RANBP3: variants seen among roughly 807,000 people sequenced by gnomAD.
The protein encoded by RANBP3 is RAN binding protein 3.
In RANBP3, 14 loss-of-function variants were observed where a neutral mutation model predicts 77.3. That is an observed-to-expected ratio of 0.18 (90% CI 0.12 to 0.28). The LOEUF is 0.28. RANBP3 is among the 10% of genes least tolerant of loss of function. RANBP3 has a pLI of 1.00. For synonymous variants in RANBP3, 315 were observed against 312.4 expected (o/e 1.01, Z -0.09); for missense variants, 586 against 752.3 (o/e 0.78, Z 2.59).
intron 14 of RANBP3, among the ~76,000 whole-genome samples, chr19:5,920,389 G>A (rs143860845): frequency 1.3e-5 from 2 of 152,020 alleles, no homozygotes; most frequent in African/African-American, 2.4e-5. Context: ...AGCTTTAGAA[G>A]GAAAAAAAAG....
intron 8 of RANBP3, among the ~76,000 whole-genome samples, chr19:5,929,591 C>T (rs981837116): frequency 9.9e-5 from 15 of 152,170 alleles, no homozygotes; most frequent in African/African-American, 2.9e-4. Context: ...GTGTGTGGGG[C>T]GGGAGGGGAA....
chr19:5,918,601 G>A lies in RANBP3; in HGVS notation c.1368C>T (p.Asn456=). The A allele has an allele frequency of 1.2e-6, 2 of 1,613,794 alleles. No individual in the cohort carries two copies. Among genetic ancestry groups the A allele is most frequent in the Non-Finnish European group, 1.7e-6 (2 of 1,179,902 alleles). ...TCTGCATCTGGGCCCACAGCTTGGT[G>A]TTGAGGATCAGTCGCAGGCTCCCCT... is the stretch of plus-strand genomic sequence containing the variant. The part of the protein sequence containing the change: ...RTQGSLRLIL[N]TKLWAQMQID... Residue 456 remains asparagine (N), a synonymous_variant, in exon 15 of 17, where the codon AAC becomes AAT. Transcript: ENST00000340578.
In RANBP3 at chr19:5,952,580, C is replaced by T. The variant is rs530047410; in HGVS notation, c.79-984G>A. On this transcript the variant is annotated intron_variant, in intron 2 of 16. Transcript: ENST00000340578. This position sits in a 1 kb window ranked among gnomAD's most constrained non-coding sequence, Gnocchi z 4.1. The stretch of plus-strand genomic sequence containing the variant: ...CGTCCAACGACATGGAGCCATTTCT[C>T]GCACTCGGTGACCTACATGACTACA... 7.4e-4 allele frequency among the ~76,000 whole-genome samples: 112 copies of T among 152,342 alleles called. No individual in the cohort carries two copies. Among genetic ancestry groups the T allele is most frequent in the African/African-American group, 2.6e-3 (107 of 41,572 alleles).
Position 5,924,690 on chromosome 19 carries a change from C to T in RANBP3, c.996+137G>A. ...TCAGGCTGAGTCTGAGCAGGGTCTT[C>T]CCTCTCTCACTTGCTACTGAAGGCA... is the stretch of plus-strand genomic sequence containing the variant. On this transcript the variant is annotated intron_variant, in intron 11 of 16. Coordinates refer to ENST00000340578, the MANE Select transcript of RANBP3 (RefSeq NM_007322.3). This position sits in a 1 kb window ranked among gnomAD's most constrained non-coding sequence, Gnocchi z 4.7. The T allele has an allele frequency of 1.1e-6, 1 of 880,980 alleles. No homozygotes were observed. 54.6% of individuals were successfully genotyped at this position (880,980 alleles called of 1,614,324 possible). A position where few individuals can be genotyped will look rare whatever the true frequency, so the allele number is the denominator to read the frequency against.
At chr19:5,927,904 T>G in intron 9 of RANBP3, 64 bp downstream of exon 9, 1 of 1,549,524 alleles carries the variant, frequency 6.5e-7, no homozygotes, top group Non-Finnish European at 8.7e-7. Context: ...ATCTACCTAC[T>G]TGCCTGCTGT....
intron 3 of RANBP3, among the ~76,000 whole-genome samples, chr19:5,946,233 C>G (rs73920096): frequency 0.022 from 3,285 of 152,308 alleles, 122 homozygotes; most frequent in African/African-American, 0.076. Context: ...AGAGGTGTCT[C>G]CTACAACACA....
rs577957559 is a variant in RANBP3, at chr19:5,946,165, A to G, written c.283-4330T>C. On this transcript the variant is annotated intron_variant, in intron 3 of 16. Transcript: ENST00000340578. ...TAGGGTAAGTTCATGCTCACTCCCTATCCCAGCCCCTCTCGGGAGCTACCC... is the reference window on the plus strand; with the variant it reads ...TAGGGTAAGTTCATGCTCACTCCCTGTCCCAGCCCCTCTCGGGAGCTACCC... Among the ~76,000 whole-genome samples, 27 of 152,146 alleles carry G rather than the reference A, an allele frequency of 1.8e-4. No individual in the cohort carries two copies. The South Asian group carries it at 5.4e-3, about 30-fold the overall frequency.
At chr19:5,957,533 T>G (rs1304339779) in intron 2 of RANBP3, among the ~76,000 whole-genome samples, 1 of 84,588 alleles carries the variant, frequency 1.2e-5, no homozygotes, top group Non-Finnish European at 2.4e-5. Context: ...CTCCTTCCCC[T>G]CCCTCCCTCC....
Position 5,923,740 on chromosome 19 carries a change from G to C in RANBP3, c.1099+72C>G, listed in dbSNP as rs557005608. On this transcript the variant is annotated intron_variant, in intron 12 of 16. Transcript: ENST00000340578. ...GGGCCCCTTATCCCTCCCGGCTGGGGGTGTGAATGGACCCAGCATCCCCCA... is the reference window on the plus strand; with the variant it reads ...GGGCCCCTTATCCCTCCCGGCTGGGCGTGTGAATGGACCCAGCATCCCCCA... The C allele has an allele frequency of 1.1e-4, 138 of 1,253,148 alleles. 1 individual carries two copies. In the Middle Eastern group the frequency reaches 1.8e-3, roughly 17 times the overall value. 77.6% of individuals were successfully genotyped at this position (1,253,148 alleles called of 1,614,324 possible).
intron 1 of RANBP3, among the ~76,000 whole-genome samples, chr19:5,964,197 G>A (rs1446471511): frequency 6.6e-6 from 1 of 152,142 alleles, no homozygotes; most frequent in African/African-American, 2.4e-5. Context: ...CAGCCCCAGC[G>A]ATGAGCACAG....
intron 1 of RANBP3, among the ~76,000 whole-genome samples, chr19:5,967,993 G>C (rs976242300): frequency 6.6e-6 from 1 of 152,128 alleles, no homozygotes; most frequent in Non-Finnish European, 1.5e-5. Context: ...CTCCAGCCTG[G>C]GCGACAGAGT....
Position 5,941,611 on chromosome 19 carries a change from C to T in RANBP3, c.406+10G>A, listed in dbSNP as rs1257183186. 2 of 1,605,072 alleles carry T rather than the reference C, an allele frequency of 1.2e-6. No individual in the cohort carries two copies. Among genetic ancestry groups the T allele is most frequent in the Non-Finnish European group, 1.7e-6 (2 of 1,173,346 alleles). ...ACGCTTTCACCATTCCGTAAGTTTG[C>T]ATATTTTACCTGACTGTGAGGGTGG... On this transcript the variant is annotated intron_variant, in intron 5 of 16. Transcript: ENST00000340578.
Position 5,921,560 on chromosome 19 carries a change from C to T in RANBP3, c.1210-239G>A, listed in dbSNP as rs1302212812. 6.6e-6 allele frequency among the ~76,000 whole-genome samples: 1 copy of T among 152,216 alleles called. No homozygotes were observed. Among genetic ancestry groups the T allele is most frequent in the African/African-American group, 2.4e-5 (1 of 41,452 alleles). On this transcript the variant is annotated intron_variant, in intron 13 of 16. Coordinates refer to ENST00000340578, the MANE Select transcript of RANBP3 (RefSeq NM_007322.3). The surrounding 1 kb of genome is among the most constrained non-coding windows in gnomAD (Gnocchi z 5.3). ...GAAAAGCAAAACAACGGTGAGAAGC[C>T]TCTCTGCGCACTCTAGGACGGCTAT...
At position 5,954,223 on chromosome 19, in the gene RANBP3, G is replaced by C. The variant is rs957753450; in HGVS notation, c.79-2627C>G. On this transcript the variant is annotated intron_variant, in intron 2 of 16. Transcript: ENST00000340578. ...GGGCTCTTTTACTTGCACCCCATCG[G>C]GTGTGGTCTGAGATCTCGTTTACTG... is the stretch of plus-strand genomic sequence containing the variant. 5.3e-5 allele frequency among the ~76,000 whole-genome samples: 8 copies of C among 152,230 alleles called. No homozygotes were observed. The East Asian group carries it at 5.8e-4, about 11-fold the overall frequency.
At chr19:5,941,524 G>T in intron 5 of RANBP3, 97 bp downstream of exon 5, 1 of 1,105,706 alleles carries the variant, frequency 9.0e-7, no homozygotes, top group Non-Finnish European at 1.3e-6. Flanking sequence ...CCGGAGCTGG[G>T]CAGGAAGGAC....
Position 5,941,806 on chromosome 19 carries a change from G to C in RANBP3, c.312C>G (p.Gly104=). 6.2e-7 allele frequency: 1 copy of C among 1,612,120 alleles called. No homozygotes were observed. Among genetic ancestry groups the C allele is most frequent in the Non-Finnish European group, 8.5e-7 (1 of 1,179,988 alleles). ...TGTTAGAGAGCTCCTTACCTTCTCCGCCTTCAGGACTGGAGCCGCCAGCTG... is the reference window on the plus strand; with the variant it reads ...TGTTAGAGAGCTCCTTACCTTCTCCCCCTTCAGGACTGGAGCCGCCAGCTG... ...GRSAGGSSPE[G]GEDSDREDGN... The change falls in exon 4 of 17, where the codon GGC becomes GGG. Residue 104 remains glycine (G), a synonymous_variant. Transcript: ENST00000340578.
chr19:5,929,651 C>G (rs781753025), intron 8 of RANBP3, among the ~76,000 whole-genome samples: 3 of 152,218 alleles, frequency 2.0e-5, no homozygotes, highest in African/African-American at 7.2e-5. Context: ...CCCCATGGGT[C>G]GCCCCCAACA....
chr19:5,918,428 T>G, intron 15 of RANBP3, 68 bp downstream of exon 15: 8 of 636,810 alleles, frequency 1.3e-5, no homozygotes, highest in East Asian at 7.9e-5. Context: ...GCCTGATCTG[T>G]GTGCCCAGGA....
intron 9 of RANBP3, 147 bp from the exon 10 acceptor site, chr19:5,925,884 T>A: frequency 6.6e-6 from 4 of 608,940 alleles, no homozygotes; most frequent in Non-Finnish European, 1.2e-5. Context: ...TGCGCGTGCA[T>A]GTGCTGGGGG....
Sources: gnomAD v4.1 joint callset for allele counts (sites outside exome capture counted in the v4.1 genomes callset) on GRCh38, gnomAD v4.1.1 for gene constraint, Gnocchi (gnomAD v3.1) non-coding constraint, MANE v1.5 for transcripts, NCBI Gene and HGNC (gene_info 2026-07-23, HGNC 2026-07-21) for gene names.